Variants in ROBO1 observed in about 807,000 individuals in gnomAD.
The protein encoded by ROBO1 is roundabout guidance receptor 1, also known as roundabout homolog 1.
A neutral mutation model predicts 195.9 loss-of-function variants in ROBO1; 149 were observed. The observed-to-expected ratio is 0.76, with a 90% CI of 0.67 to 0.87. The LOEUF (loss-of-function observed/expected upper bound fraction) is 0.87, where lower values mean the gene tolerates loss of function less well. Among genes scored for constraint, ROBO1 ranks in the 40% least tolerant of loss-of-function variants. The probability of loss-of-function intolerance (pLI) is 0.00; values close to 1 mark genes in which losing one functional copy is unlikely to be tolerated. For synonymous variants in ROBO1, 816 were observed against 733.2 expected (o/e 1.11, Z -1.82); for missense variants, 1,933 against 2,068.3 (o/e 0.93, Z 1.27).
At chr3:79,671,853 C>A (rs986478588) in intron 1 of ROBO1, among the ~76,000 whole-genome samples, 1 of 151,724 alleles carries the variant, frequency 6.6e-6, no homozygotes, top group African/African-American at 2.4e-5. Flanking sequence ...AAAATTAATG[C>A]CTTTATTACT....
intron 10 of ROBO1, among the ~76,000 whole-genome samples, chr3:78,684,193 T>C (rs1441479224): frequency 6.6e-6 from 1 of 152,062 alleles, no homozygotes; most frequent in Non-Finnish European, 1.5e-5. Context: ...TAAATTGTGG[T>C]CTATTTATGA....
intron 2 of ROBO1, among the ~76,000 whole-genome samples, chr3:79,406,331 G>A (rs1398778049): frequency 6.6e-6 from 1 of 151,882 alleles, no homozygotes; most frequent in African/African-American, 2.4e-5. Context: ...AGCTACTCAG[G>A]AGGCTGAGGT....
At chr3:78,856,226 A>T (rs539641349) in intron 4 of ROBO1, among the ~76,000 whole-genome samples, 2 of 151,868 alleles carry the variant, frequency 1.3e-5, no homozygotes, top group East Asian at 3.9e-4. Context: ...TTTTACATGG[A>T]ACACAAAAAC....
At chr3:78,877,256 T>C (rs2035908745) in intron 4 of ROBO1, among the ~76,000 whole-genome samples, 1 of 152,132 alleles carries the variant, frequency 6.6e-6, no homozygotes, top group Middle Eastern at 3.2e-3. Flanking sequence ...AAGAAATTAT[T>C]GTGGAGCATT....
At chr3:79,548,684 T>C (rs944587923) in intron 2 of ROBO1, among the ~76,000 whole-genome samples, 1 of 152,204 alleles carries the variant, frequency 6.6e-6, no homozygotes, top group Non-Finnish European at 1.5e-5. Flanking sequence ...TGTGGTATAT[T>C]ATATGCACCT....
At chr3:78,994,820 A>C (rs1165855595) in intron 3 of ROBO1, among the ~76,000 whole-genome samples, 1 of 152,204 alleles carries the variant, frequency 6.6e-6, no homozygotes, top group Non-Finnish European at 1.5e-5. Context: ...ACACTGGTTG[A>C]ACCCAGACGG....
intron 3 of ROBO1, among the ~76,000 whole-genome samples, chr3:79,095,856 A>G (rs1011674544): frequency 1.1e-4 from 17 of 151,986 alleles, no homozygotes; most frequent in African/African-American, 4.1e-4. Flanking sequence ...AGGTTTCCCT[A>G]ATTAATGCAT....
chr3:79,474,681 A>G (rs1449374791), intron 2 of ROBO1, among the ~76,000 whole-genome samples: 1 of 152,124 alleles, frequency 6.6e-6, no homozygotes, highest in Admixed American at 6.6e-5. Flanking sequence ...TATTTTTGAA[A>G]AAAAGAAACA....
chr3:78,705,149 G>A (rs994973482), intron 8 of ROBO1, among the ~76,000 whole-genome samples: 3 of 152,202 alleles, frequency 2.0e-5, no homozygotes, highest in East Asian at 3.8e-4. Flanking sequence ...ACATAGCAGG[G>A]AGGGATAGTA....
intron 3 of ROBO1, among the ~76,000 whole-genome samples, chr3:78,955,324 G>T (rs529280801): frequency 9.2e-5 from 14 of 152,072 alleles, no homozygotes; most frequent in African/African-American, 3.4e-4. Flanking sequence ...AATAAGCATG[G>T]TACCTGACAT....
intron 1 of ROBO1, among the ~76,000 whole-genome samples, chr3:79,747,633 A>G (rs1400849496): frequency 6.6e-6 from 1 of 152,052 alleles, no homozygotes; most frequent in Non-Finnish European, 1.5e-5. Context: ...CTCTGAGCAT[A>G]ATATTTTCTA....
intron 3 of ROBO1, among the ~76,000 whole-genome samples, chr3:78,996,115 T>C (rs1440654787): frequency 2.0e-5 from 3 of 152,090 alleles, no homozygotes; most frequent in Non-Finnish European, 4.4e-5. Flanking sequence ...GTTACCCCAA[T>C]ATTTTTAAAA....
chr3:79,000,292 T>C (rs986040814), intron 3 of ROBO1, among the ~76,000 whole-genome samples: 2 of 152,104 alleles, frequency 1.3e-5, no homozygotes, highest in African/African-American at 4.8e-5. Flanking sequence ...GTAAATTTGT[T>C]TAAGTTCCTT....
In ROBO1 at chr3:79,677,925, C is replaced by T. The variant is rs186111492; in HGVS notation, c.-50-87964G>A. 2.0e-4 allele frequency among the ~76,000 whole-genome samples: 31 copies of T among 152,152 alleles called. No homozygotes were observed. In the East Asian group the frequency reaches 4.5e-3, roughly 22 times the overall value. On this transcript the variant is annotated intron_variant, in intron 1 of 30. Transcript: ENST00000464233. ...AATGCCTGAGCCACAGAAACATTCACATAATAAATACATGCTATTTTAAGC... is the reference window on the plus strand; with the variant it reads ...AATGCCTGAGCCACAGAAACATTCATATAATAAATACATGCTATTTTAAGC...
chr3:78,704,661 C>CAAAAAAAAAAAAAAAAA (rs1160098731), intron 8 of ROBO1, among the ~76,000 whole-genome samples: 1 of 61,676 alleles, frequency 1.6e-5, no homozygotes, highest in Non-Finnish European at 3.6e-5. Context: ...CTCATCTCTC[C>CAAAAAAAAAAAAAAAAA]AAAAAAAAAA....
At chr3:79,416,697 A>G (rs1255103700) in intron 2 of ROBO1, among the ~76,000 whole-genome samples, 1 of 152,096 alleles carries the variant, frequency 6.6e-6, no homozygotes, top group Non-Finnish European at 1.5e-5. Flanking sequence ...GTTGGAAAAG[A>G]TGCAACCATA....
intron 4 of ROBO1, among the ~76,000 whole-genome samples, chr3:78,860,757 C>A (rs2106988918): frequency 6.6e-6 from 1 of 152,168 alleles, no homozygotes; most frequent in Middle Eastern, 3.4e-3. Context: ...CTTTAGCTGT[C>A]CACTACTACT....
At chr3:79,183,326 A>G (rs1378141905) in intron 2 of ROBO1, among the ~76,000 whole-genome samples, 1 of 152,104 alleles carries the variant, frequency 6.6e-6, no homozygotes, top group African/African-American at 2.4e-5. Flanking sequence ...GAAAGAGGGA[A>G]CTCTGGCAGT....
chr3:78,701,315 G>A (rs778568777), intron 8 of ROBO1, among the ~76,000 whole-genome samples: 13 of 152,054 alleles, frequency 8.5e-5, no homozygotes, highest in African/African-American at 1.7e-4. Context: ...AAAAAGGTTT[G>A]GGGAAAAATA....
Sources: allele counts gnomAD v4.1 joint callset (sites outside exome capture counted in the v4.1 genomes callset), GRCh38; gene constraint gnomAD v4.1.1; transcripts MANE v1.5; gene names NCBI Gene and HGNC (gene_info 2026-07-23, HGNC 2026-07-21).